The following M1AP variants were observed in gnomAD, a reference collection of about 807,000 sequenced individuals.
M1AP encodes meiosis 1 arrest protein.
Under a neutral mutation model 51.2 loss-of-function variants are expected in M1AP, and 39 were observed. The ratio of observed to expected loss-of-function variants is 0.76; its 90% CI spans 0.59 to 1.00. The LOEUF (loss-of-function observed/expected upper bound fraction) is 1.00. Among genes scored for constraint, M1AP ranks in the 50% least tolerant of loss-of-function variants. The pLI is 0.00. For missense variants in M1AP, 545 were observed against 641.2 expected, an observed-to-expected ratio of 0.85 and a Z score of 1.62; for synonymous variants, 251 against 249.2, an observed-to-expected ratio of 1.01 and a Z score of -0.07.
intron 7 of M1AP, among the ~76,000 whole-genome samples, chr2:74,572,856 C>G (rs899313959): frequency 6.6e-6 from 1 of 152,190 alleles, no homozygotes; most frequent in African/African-American, 2.4e-5. Flanking sequence ...TTTTCCAAGA[C>G]AGAAGACTAA....
Position 74,558,795 on chromosome 2 carries a change from T to C in M1AP, c.1514A>G (p.Lys505Arg), listed in dbSNP as rs1558641167. 2 of 1,611,928 alleles carry C rather than the reference T, an allele frequency of 1.2e-6. No individual in the cohort carries two copies. Among genetic ancestry groups the C allele is most frequent in the South Asian group, 1.1e-5 (1 of 90,490 alleles). The change falls in exon 11 of 11, where the codon AAG becomes AGG. Residue 505 changes from lysine (K) to arginine (R), a missense_variant. By Grantham distance (26) the Lys-to-Arg change is conservative (BLOSUM62 2). Transcript: ENST00000421985. The part of the protein sequence containing the change: ...PMTPVPGRAS[K>R]MPAASKSSSD... ...GGAAGATTTGCTGGCTGCTGGCATC[T>C]TGGAGGCTCTGCCTGGGACAGGAGT...
intron 7 of M1AP, among the ~76,000 whole-genome samples, chr2:74,566,857 G>A (rs900164165): frequency 2.0e-5 from 3 of 152,162 alleles, no homozygotes; most frequent in Admixed American, 6.5e-5. Context: ...CTTGAATCCT[G>A]TAACTTCTGT....
At chr2:74,603,549 T>TATA (rs1438949387) in intron 4 of M1AP, among the ~76,000 whole-genome samples, 1 of 152,116 alleles carries the variant, frequency 6.6e-6, no homozygotes, top group African/African-American at 2.4e-5. Flanking sequence ...AATTAGGATT[T>TATA]AAGGAATGAG....
At chr2:74,585,381 T>C (rs993573280) in intron 4 of M1AP, among the ~76,000 whole-genome samples, 2 of 152,226 alleles carry the variant, frequency 1.3e-5, no homozygotes, top group Non-Finnish European at 2.9e-5. Context: ...GCTTATCCTT[T>C]AGTCTTGAGC....
intron 7 of M1AP, 89 bp downstream of exon 7, chr2:74,575,349 T>C: frequency 6.3e-7 from 1 of 1,575,556 alleles, no homozygotes. Context: ...GAGGCAGATT[T>C]AGGATTGGGC....
chr2:74,628,158 TAAA>T (rs1406765460), intron 2 of M1AP, among the ~76,000 whole-genome samples: 1 of 152,130 alleles, frequency 6.6e-6, no homozygotes, highest in African/African-American at 2.4e-5. Flanking sequence ...GGAAAGGAAA[TAAA>T]AACAATACGA....
rs1434360194 is a variant in M1AP, at chr2:74,576,571, G to C, written c.817C>G (p.Leu273Val). 6.2e-7 allele frequency: 1 copy of C among 1,614,130 alleles called. No homozygotes were observed. Among genetic ancestry groups the C allele is most frequent in the East Asian group, 2.2e-5 (1 of 44,894 alleles). Residue 273 changes from leucine to valine, a missense_variant, in exon 6 of 11, where the codon CTC (leucine) becomes GTC (valine). Leu to Val is a conservative substitution (Grantham distance 32). Transcript: ENST00000421985. The stretch of plus-strand genomic sequence containing the variant: ...AAGGAGCCGTCAGCTGTGCCAGCGA[G>C]TAGGGATGGGCAGAGCAGTCGCTCT... Reference protein sequence around the residue: ...LQERLLCPSLLAGTADGSLRM... With the variant: ...LQERLLCPSLVAGTADGSLRM...
chr2:74,605,661 G>A (rs1047632450), intron 4 of M1AP, among the ~76,000 whole-genome samples: 2 of 152,148 alleles, frequency 1.3e-5, no homozygotes, highest in Non-Finnish European at 2.9e-5. Flanking sequence ...AGCACTTTGG[G>A]AGGCTGAGGC....
intron 7 of M1AP, among the ~76,000 whole-genome samples, chr2:74,572,974 G>A (rs1469854439): frequency 6.6e-6 from 1 of 152,204 alleles, no homozygotes. Context: ...CAAACCCTGA[G>A]TTTAGTGGCA....
intron 4 of M1AP, among the ~76,000 whole-genome samples, chr2:74,583,648 G>C (rs112766777): frequency 5.9e-5 from 9 of 152,316 alleles, no homozygotes; most frequent in African/African-American, 2.2e-4. Context: ...CCTAAGAAAA[G>C]CCAGTTGCTC....
chr2:74,576,621 A>G lies in M1AP; in HGVS notation c.770-3T>C. 1 of 1,613,862 alleles carries G rather than the reference A, an allele frequency of 6.2e-7. No individual in the cohort carries two copies. On this transcript the variant is annotated splice_polypyrimidine_tract_variant and splice_region_variant and intron_variant, in intron 5 of 10. Transcript: ENST00000421985. ...TTGGAGATCACATTTCAGACACACT[A>G]CAATAAAAGGAGATTACATTTCAGA...
At position 74,646,513 on chromosome 2, in the gene M1AP, C is replaced by A. The variant is rs1429829732; in HGVS notation, c.-53+1752G>T. 3.9e-5 allele frequency among the ~76,000 whole-genome samples: 6 copies of A among 152,084 alleles called. No individual in the cohort carries two copies. The East Asian group carries it at 1.2e-3, about 29-fold the overall frequency. ...TACAGAAAGGGCCACTGGCAAAAAG[C>A]TTCATTATTAAAGAAACTTTCAGAG... On this transcript the variant is annotated intron_variant, in intron 1 of 10. Coordinates refer to ENST00000421985, the MANE Select transcript of M1AP (RefSeq NM_001321739.2).
At chr2:74,596,450 C>T (rs761980484) in intron 4 of M1AP, among the ~76,000 whole-genome samples, 10 of 152,002 alleles carry the variant, frequency 6.6e-5, no homozygotes, top group South Asian at 2.1e-4. Context: ...GGCGTGGTGG[C>T]GGGCACCTGT....
chr2:74,636,851 T>C (rs910272062), intron 2 of M1AP, among the ~76,000 whole-genome samples: 7 of 152,160 alleles, frequency 4.6e-5, no homozygotes, highest in African/African-American at 1.7e-4. Flanking sequence ...AGTGCTAAGA[T>C]TATAGGTGTG....
At chr2:74,593,271 CAAATTGAAAAAGAGT>C (rs2104640779) in intron 4 of M1AP, among the ~76,000 whole-genome samples, 1 of 152,194 alleles carries the variant, frequency 6.6e-6, no homozygotes, top group African/African-American at 2.4e-5. Flanking sequence ...AAGAAAGAAC[CAAATTGAAAAAGAGT>C]AAATAAGGGA....
intron 5 of M1AP, among the ~76,000 whole-genome samples, chr2:74,580,108 G>A (rs1182652021): frequency 6.6e-6 from 1 of 152,136 alleles, no homozygotes; most frequent in African/African-American, 2.4e-5. Flanking sequence ...CACCTAGCCT[G>A]TTTTCTTTCT....
chr2:74,601,383 T>C (rs1381604041), intron 4 of M1AP, among the ~76,000 whole-genome samples: 2 of 152,078 alleles, frequency 1.3e-5, no homozygotes, highest in Non-Finnish European at 2.9e-5. Flanking sequence ...AAGTAAATAA[T>C]ATCAATAATA....
At chr2:74,613,475 C>A (rs1337678827) in intron 3 of M1AP, among the ~76,000 whole-genome samples, 1 of 152,140 alleles carries the variant, frequency 6.6e-6, no homozygotes, top group East Asian at 1.9e-4. Flanking sequence ...GTGAACTTTA[C>A]AAGTGTTCCT....
rs80079378 is a variant in M1AP at position 74,603,326 on chromosome 2, C to A, written c.595+3729G>T. 2.6e-4 allele frequency among the ~76,000 whole-genome samples: 40 copies of A among 152,320 alleles called. 1 individual carries two copies. The East Asian group carries it at 7.7e-3, about 29-fold the overall frequency. On this transcript the variant is annotated intron_variant, in intron 4 of 10. Transcript: ENST00000421985. ...CAAGTTTCTAATGCCAAGGTGCTTA[C>A]AGTTTAATGCAGAGGGAAAAGATAT...
Sources: allele counts gnomAD v4.1 joint callset (sites outside exome capture counted in the v4.1 genomes callset), GRCh38; gene constraint gnomAD v4.1.1; transcripts MANE v1.5; gene names NCBI Gene and HGNC (gene_info 2026-07-23, HGNC 2026-07-21).